Variants in RETREG1 observed in about 807,000 individuals in gnomAD.
RETREG1 encodes the protein reticulophagy regulator 1.
In RETREG1, 44 loss-of-function variants were observed where a neutral mutation model predicts 54.8. The observed-to-expected ratio is 0.80, with a 90% CI of 0.63 to 1.03. The LOEUF (loss-of-function observed/expected upper bound fraction) is 1.03. RETREG1 is among the 50% of genes least tolerant of loss of function. The probability of loss-of-function intolerance (pLI) is 0.00; values close to 1 mark genes in which losing one functional copy is unlikely to be tolerated. For synonymous variants in RETREG1, 217 were observed against 238.5 expected, an observed-to-expected ratio of 0.91 and a Z score of 0.83; for missense variants, 554 against 605.1, an observed-to-expected ratio of 0.92 and a Z score of 0.89.
intron 3 of RETREG1, among the ~76,000 whole-genome samples, chr5:16,520,239 G>A (rs1740487102): frequency 6.6e-6 from 1 of 152,184 alleles, no homozygotes; most frequent in African/African-American, 2.4e-5. Context: ...TCCTGCCCCA[G>A]CCCTATTTTG....
chr5:16,541,209 G>T (rs979844647), intron 3 of RETREG1, among the ~76,000 whole-genome samples: 19 of 152,184 alleles, frequency 1.2e-4, no homozygotes, highest in African/African-American at 4.6e-4. Flanking sequence ...TCAATCATGA[G>T]GGCAGAACTC....
chr5:16,614,540 G>A (rs113090486), intron 1 of RETREG1, among the ~76,000 whole-genome samples: 9,268 of 152,246 alleles, frequency 0.061, 421 homozygotes, highest in South Asian at 0.2. Context: ...GTGTGGCAAA[G>A]CAGGCAGTCA....
intron 1 of RETREG1, among the ~76,000 whole-genome samples, chr5:16,590,922 CAT>C (rs1157906537): frequency 2.0e-4 from 31 of 151,598 alleles, no homozygotes; most frequent in Non-Finnish European, 3.4e-4. Flanking sequence ...AAAACACACA[CAT>C]GCAAATATAC....
chr5:16,568,504 C>T lies in RETREG1; in HGVS notation c.428-2711G>A, dbSNP rs1285550841. ...ACCAGGCTGGTCTCAAACTCCTGAC[C>T]TCAAGTGATCCACCTGCCTCGGCCT... On this transcript the variant is annotated intron_variant, in intron 2 of 8. Coordinates refer to ENST00000306320, the MANE Select transcript of RETREG1 (RefSeq NM_001034850.3). Among the ~76,000 whole-genome samples, 4 of 152,162 alleles carry T rather than the reference C, an allele frequency of 2.6e-5. No individual in the cohort carries two copies. In the East Asian group the frequency reaches 7.7e-4, roughly 29 times the overall value.
chr5:16,494,695 T>C (rs1739383666), intron 3 of RETREG1, among the ~76,000 whole-genome samples: 2 of 152,208 alleles, frequency 1.3e-5, no homozygotes, highest in African/African-American at 4.8e-5. Context: ...CAATTAAAAC[T>C]CTTTTCCTTA....
At chr5:16,589,013 G>C (rs1316466106) in intron 1 of RETREG1, among the ~76,000 whole-genome samples, 1 of 152,190 alleles carries the variant, frequency 6.6e-6, no homozygotes, top group African/African-American at 2.4e-5. Flanking sequence ...GCTGACCCGG[G>C]TCACTCCGTG....
chr5:16,571,412 G>A (rs911716395), intron 2 of RETREG1, among the ~76,000 whole-genome samples: 7 of 152,220 alleles, frequency 4.6e-5, no homozygotes, highest in African/African-American at 1.7e-4. Flanking sequence ...AAACTAGCTC[G>A]AACAGTGGTA....
At chr5:16,484,290 A>G (rs577315144) in intron 3 of RETREG1, among the ~76,000 whole-genome samples, 10 of 152,290 alleles carry the variant, frequency 6.6e-5, no homozygotes, top group African/African-American at 2.4e-4. Flanking sequence ...CCCTAACATT[A>G]CAATGACATA....
At chr5:16,577,037 G>GCACACACA (rs68174462) in intron 1 of RETREG1, among the ~76,000 whole-genome samples, 51 of 150,738 alleles carry the variant, frequency 3.4e-4, no homozygotes, top group African/African-American at 6.6e-4. Context: ...TTGTGTGCAC[G>GCACACACA]CACACACACA....
At chr5:16,575,699 G>A (rs1742300442) in intron 1 of RETREG1, among the ~76,000 whole-genome samples, 1 of 152,200 alleles carries the variant, frequency 6.6e-6, no homozygotes, top group South Asian at 2.1e-4. Flanking sequence ...AGGTCTTGTT[G>A]GTCATCGAGA....
chr5:16,499,673 C>G (rs1369217275), intron 3 of RETREG1, among the ~76,000 whole-genome samples: 1 of 152,244 alleles, frequency 6.6e-6, no homozygotes, highest in Non-Finnish European at 1.5e-5. Flanking sequence ...TGGTAATTAC[C>G]ATGCGACACT....
chr5:16,544,071 G>A lies in RETREG1; in HGVS notation c.458+21692C>T, dbSNP rs546274234. 4.6e-5 allele frequency among the ~76,000 whole-genome samples: 7 copies of A among 151,368 alleles called. No individual in the cohort carries two copies. In the South Asian group the frequency reaches 1.5e-3, roughly 32 times the overall value. ...GCTCACTGCAACCTCCGCCTCCTGG[G>A]TTAAAGCAATTCTTCTGCCTCAGCC... On this transcript the variant is annotated intron_variant, in intron 3 of 8. Transcript: ENST00000306320.
chr5:16,601,588 G>A (rs969008763), intron 1 of RETREG1, among the ~76,000 whole-genome samples: 2 of 152,060 alleles, frequency 1.3e-5, no homozygotes, highest in East Asian at 3.9e-4. Context: ...TAGAGGCAGG[G>A]TTTCACCATG....
At chr5:16,528,482 C>G (rs1429484665) in intron 3 of RETREG1, among the ~76,000 whole-genome samples, 4 of 152,172 alleles carry the variant, frequency 2.6e-5, no homozygotes, top group South Asian at 2.1e-4. Flanking sequence ...CTGCCTGGGA[C>G]AGGAGTCAGC....
At chr5:16,550,251 G>T (rs1741495614) in intron 3 of RETREG1, among the ~76,000 whole-genome samples, 1 of 147,374 alleles carries the variant, frequency 6.8e-6, no homozygotes, top group Admixed American at 6.9e-5. Flanking sequence ...CCTTCCTTCT[G>T]CATAGTCCCT....
intron 1 of RETREG1, among the ~76,000 whole-genome samples, chr5:16,596,924 C>T (rs1003626209): frequency 6.6e-6 from 1 of 152,158 alleles, no homozygotes; most frequent in Non-Finnish European, 1.5e-5. Context: ...TTTAAGCTTG[C>T]CCTGAAGATC....
chr5:16,514,663 G>A (rs1253398184), intron 3 of RETREG1, among the ~76,000 whole-genome samples: 6 of 151,806 alleles, frequency 4.0e-5, no homozygotes, highest in Non-Finnish European at 7.4e-5. Flanking sequence ...CCAGTGTGCA[G>A]TCTTTTATCC....
Position 16,607,215 on chromosome 5 carries a change from A to AT in RETREG1, c.320+9436dup, listed in dbSNP as rs527746619. 8.7e-4 allele frequency among the ~76,000 whole-genome samples: 132 copies of AT among 151,368 alleles called. 1 individual carries two copies. The highest frequency in any genetic ancestry group is 6.8e-3 in the Middle Eastern group (2 of 292). The stretch of plus-strand genomic sequence containing the variant: ...GGCATTTTGTATATTTGTTTATTGT[A>AT]TTTTTTTTTACCACTTTCACCACTA... On this transcript the variant is annotated intron_variant, in intron 1 of 8. Coordinates refer to ENST00000306320, the MANE Select transcript of RETREG1 (RefSeq NM_001034850.3).
chr5:16,586,841 G>A (rs1448841668), intron 1 of RETREG1, among the ~76,000 whole-genome samples: 1 of 152,214 alleles, frequency 6.6e-6, no homozygotes, highest in Admixed American at 6.5e-5. Flanking sequence ...TCTGGTGGCT[G>A]GGAAGTCCAA....
Sources: allele counts gnomAD v4.1 joint callset (sites outside exome capture counted in the v4.1 genomes callset), GRCh38; gene constraint gnomAD v4.1.1; transcripts MANE v1.5; gene names NCBI Gene and HGNC (gene_info 2026-07-23, HGNC 2026-07-21).